RAPGEF4: variants seen among roughly 807,000 people sequenced by gnomAD.
RAPGEF4 encodes the protein Rap guanine nucleotide exchange factor 4.
RAPGEF4 carries 66 observed loss-of-function variants against 147.9 expected under a neutral mutation model. That is an observed-to-expected ratio of 0.45 (90% confidence interval 0.37 to 0.55). The LOEUF (loss-of-function observed/expected upper bound fraction) is 0.55. Ranked by LOEUF, RAPGEF4 falls within the 20% of genes least tolerant of loss-of-function variation. RAPGEF4 has a pLI of 0.00. For synonymous variants in RAPGEF4, 419 were observed against 442.7 expected (o/e 0.95, Z 0.67); for missense variants, 1,071 against 1,257.3 (o/e 0.85, Z 2.24).
At chr2:173,032,201 G>A (rs1277988215) in intron 26 of RAPGEF4, among the ~76,000 whole-genome samples, 10 of 152,160 alleles carry the variant, frequency 6.6e-5, no homozygotes, top group Non-Finnish European at 1.0e-4. Context: ...TCGTGGAGAC[G>A]TCTTCTCTGT....
chr2:173,032,909 G>C (rs1697328196), intron 26 of RAPGEF4, among the ~76,000 whole-genome samples: 1 of 152,206 alleles, frequency 6.6e-6, no homozygotes, highest in Non-Finnish European at 1.5e-5. Context: ...AGGAGTCTCT[G>C]AGACCCAGGG....
chr2:172,806,023 G>C (rs879697255), intron 3 of RAPGEF4, among the ~76,000 whole-genome samples: 17,370 of 68,518 alleles, frequency 0.25, 1,366 homozygotes, highest in Non-Finnish European at 0.33. Context: ...GGCTGTGTGT[G>C]TGTGTGTGTG....
intron 1 of RAPGEF4, among the ~76,000 whole-genome samples, chr2:172,742,052 G>A (rs547457643): frequency 9.2e-5 from 14 of 152,068 alleles, no homozygotes; most frequent in Admixed American, 7.2e-4. Flanking sequence ...ACCTTCACGC[G>A]CTCCCCACTC....
intron 15 of RAPGEF4, among the ~76,000 whole-genome samples, chr2:172,995,015 A>G (rs1214529395): frequency 2.0e-5 from 3 of 152,252 alleles, no homozygotes; most frequent in Non-Finnish European, 4.4e-5. Context: ...CTCATTCAAT[A>G]CCAGAGGTGC....
intron 6 of RAPGEF4, among the ~76,000 whole-genome samples, chr2:172,927,717 A>C (rs1225956904): frequency 6.6e-6 from 1 of 152,214 alleles, no homozygotes; most frequent in Non-Finnish European, 1.5e-5. Context: ...TTCGAGGACC[A>C]ACTGAATTCA....
chr2:173,037,538 TAAAGC>T (rs1174004502), intron 29 of RAPGEF4, among the ~76,000 whole-genome samples: 2 of 152,242 alleles, frequency 1.3e-5, no homozygotes, highest in African/African-American at 4.8e-5. Context: ...TGTGAAACAA[TAAAGC>T]AGAGCATGCC....
intron 4 of RAPGEF4, among the ~76,000 whole-genome samples, chr2:172,888,467 C>T (rs937991890): frequency 1.3e-5 from 2 of 152,148 alleles, no homozygotes; most frequent in Non-Finnish European, 2.9e-5. Context: ...TACTTCTTTC[C>T]ACAGTGGAAG....
chr2:173,044,490 A>G (rs1685189324), intron 29 of RAPGEF4, among the ~76,000 whole-genome samples: 1 of 152,178 alleles, frequency 6.6e-6, no homozygotes, highest in Admixed American at 6.5e-5. Flanking sequence ...TAGACGCGTG[A>G]CATAGTCACA....
chr2:172,994,012 G>A (rs1284827513), intron 15 of RAPGEF4, among the ~76,000 whole-genome samples: 1 of 152,192 alleles, frequency 6.6e-6, no homozygotes, highest in East Asian at 1.9e-4. Flanking sequence ...TAATGCCCTA[G>A]CTAAAGGATG....
intron 4 of RAPGEF4, among the ~76,000 whole-genome samples, chr2:172,880,573 G>C (rs890574287): frequency 1.3e-5 from 2 of 151,940 alleles, no homozygotes; most frequent in African/African-American, 2.4e-5. Context: ...GGCTTTCCTT[G>C]GTTGGATATA....
At chr2:172,968,835 CA>C (rs1243653125) in intron 10 of RAPGEF4, among the ~76,000 whole-genome samples, 2 of 152,182 alleles carry the variant, frequency 1.3e-5, no homozygotes, top group African/African-American at 4.8e-5. Context: ...CTGGGGAACT[CA>C]GATGAACACC....
chr2:172,834,332 A>G (rs1468044352), intron 4 of RAPGEF4, among the ~76,000 whole-genome samples: 1 of 152,202 alleles, frequency 6.6e-6, no homozygotes, highest in Non-Finnish European at 1.5e-5. Context: ...ATGGGATATA[A>G]TCATGTGTGG....
intron 4 of RAPGEF4, among the ~76,000 whole-genome samples, chr2:172,844,220 G>C (rs541901673): frequency 6.6e-6 from 1 of 152,268 alleles, no homozygotes; most frequent in South Asian, 2.1e-4. Context: ...GGGCAGAATG[G>C]TCATGGCCTC....
intron 12 of RAPGEF4, among the ~76,000 whole-genome samples, chr2:172,987,847 G>A (rs925989479): frequency 2.0e-5 from 3 of 152,138 alleles, no homozygotes; most frequent in Admixed American, 6.6e-5. Context: ...GTTTTTAAAC[G>A]TCACATTACT....
In RAPGEF4 at chr2:172,988,279, A is replaced by T; in HGVS notation, c.1227+7A>T. ...TGTAGTCATTTACGGCAAGGTATAT[A>T]TATCTTTTTCTTTTTGAAACTTTAT... On this transcript the variant is annotated splice_region_variant and intron_variant, in intron 13 of 30. Transcript: ENST00000397081. The T allele has an allele frequency of 6.2e-7, 1 of 1,605,208 alleles. No homozygotes were observed. The highest frequency in any genetic ancestry group is 8.5e-7 in the Non-Finnish European group (1 of 1,178,068).
chr2:172,922,487 G>A (rs1684869702), intron 6 of RAPGEF4, among the ~76,000 whole-genome samples, 187 bp downstream of exon 6: 1 of 152,220 alleles, frequency 6.6e-6, no homozygotes, highest in South Asian at 2.1e-4. Flanking sequence ...TGATTGCTCT[G>A]ACATGGTCGT....
chr2:173,041,815 A>G (rs1453177206), intron 29 of RAPGEF4, among the ~76,000 whole-genome samples: 1 of 152,042 alleles, frequency 6.6e-6, no homozygotes, highest in Non-Finnish European at 1.5e-5. Flanking sequence ...ACTAGCTGTT[A>G]CCTTTGCCTG....
intron 28 of RAPGEF4, 38 bp from the exon 29 acceptor site, chr2:173,036,590 C>G (rs749043268): frequency 6.8e-7 from 1 of 1,472,512 alleles, no homozygotes; most frequent in African/African-American, 1.4e-5. Flanking sequence ...TGACATATTT[C>G]CATTAGTGAT....
rs745579442 is a variant in RAPGEF4, at chr2:172,996,560, C to T, written c.1579+6C>T. On this transcript the variant is annotated splice_donor_region_variant and intron_variant, in intron 16 of 30. Coordinates refer to ENST00000397081, the MANE Select transcript of RAPGEF4 (RefSeq NM_007023.4). ...AACTTTAAATGAAGCAACAGGTATA[C>T]ACATAGAACCGTTTGCATGTCCATT... is the stretch of plus-strand genomic sequence containing the variant. 9.6e-5 allele frequency: 147 copies of T among 1,533,892 alleles called. 1 individual carries two copies. The Middle Eastern group carries it at 4.6e-3, about 48-fold the overall frequency.
Sources: allele counts gnomAD v4.1 joint callset (sites outside exome capture counted in the v4.1 genomes callset), GRCh38; gene constraint gnomAD v4.1.1; transcripts MANE v1.5; gene names NCBI Gene and HGNC (gene_info 2026-07-23, HGNC 2026-07-21).